The following PTPRD variants were observed in gnomAD, a reference collection of about 807,000 sequenced individuals.
The protein encoded by PTPRD is protein tyrosine phosphatase receptor type D.
PTPRD carries 34 observed loss-of-function variants against 214.5 expected under a neutral mutation model. The observed-to-expected ratio is 0.16, with a 90% CI of 0.12 to 0.21. The LOEUF (loss-of-function observed/expected upper bound fraction) is 0.21, where lower values mean the gene tolerates loss of function less well. Among genes scored for constraint, PTPRD ranks in the 10% least tolerant of loss-of-function variants. The pLI, the probability that PTPRD is intolerant of heterozygous loss-of-function variation, is 1.00. For synonymous variants in PTPRD, 1,128 were observed against 845.7 expected (o/e 1.33, Z -5.79); for missense variants, 2,545 against 2,398.7 (o/e 1.06, Z -1.27).
chr9:10,099,371 TAG>T (rs1300335439), intron 3 of PTPRD, among the ~76,000 whole-genome samples: 2 of 151,682 alleles, frequency 1.3e-5, no homozygotes, highest in African/African-American at 4.8e-5. Context: ...GTTAATATAA[TAG>T]AGTCCATTTT....
At chr9:10,108,783 T>C (rs2098661443) in intron 3 of PTPRD, among the ~76,000 whole-genome samples, 1 of 151,810 alleles carries the variant, frequency 6.6e-6, no homozygotes, top group Non-Finnish European at 1.5e-5. Flanking sequence ...TATTCATCCT[T>C]AAAAAAGAGG....
At chr9:9,347,058 T>G (rs955191994) in intron 9 of PTPRD, among the ~76,000 whole-genome samples, 1 of 152,006 alleles carries the variant, frequency 6.6e-6, no homozygotes, top group Non-Finnish European at 1.5e-5. Context: ...CCTTAACACT[T>G]TGGGAAGCCA....
At chr9:8,336,802 G>C (rs1214131810) in intron 43 of PTPRD, among the ~76,000 whole-genome samples, 1 of 152,146 alleles carries the variant, frequency 6.6e-6, no homozygotes, top group Non-Finnish European at 1.5e-5. Flanking sequence ...GATATGAACA[G>C]ACACTTCTCA....
At chr9:9,246,448 G>C (rs917819445) in intron 9 of PTPRD, among the ~76,000 whole-genome samples, 7 of 151,948 alleles carry the variant, frequency 4.6e-5, no homozygotes, top group African/African-American at 1.7e-4. Context: ...AAGTTCACCT[G>C]ATGCAAACTG....
At chr9:9,188,854 C>T (rs1233905845) in intron 9 of PTPRD, among the ~76,000 whole-genome samples, 2 of 149,632 alleles carry the variant, frequency 1.3e-5, no homozygotes, top group African/African-American at 4.9e-5. Flanking sequence ...TGTGTGCATG[C>T]ATGTCTTGGA....
At chr9:10,013,681 C>T (rs1291509247) in intron 4 of PTPRD, among the ~76,000 whole-genome samples, 1 of 151,882 alleles carries the variant, frequency 6.6e-6, no homozygotes, top group African/African-American at 2.4e-5. Flanking sequence ...TGAAATACTT[C>T]ACTGAGTTTT....
intron 37 of PTPRD, among the ~76,000 whole-genome samples, chr9:8,385,846 T>C (rs1043845467): frequency 1.3e-5 from 2 of 152,150 alleles, no homozygotes; most frequent in African/African-American, 2.4e-5. Context: ...TCTGAGCTCC[T>C]CTCTCCTCTT....
chr9:9,261,427 T>A (rs1156977413), intron 9 of PTPRD, among the ~76,000 whole-genome samples: 1 of 151,892 alleles, frequency 6.6e-6, no homozygotes, highest in Non-Finnish European at 1.5e-5. Context: ...TGGTAGGTAC[T>A]TTATTAATTC....
intron 3 of PTPRD, among the ~76,000 whole-genome samples, chr9:10,130,783 C>A (rs1184696857): frequency 6.6e-6 from 1 of 152,002 alleles, no homozygotes; most frequent in African/African-American, 2.4e-5. Context: ...CTATAGTGTG[C>A]AGATATGATC....
At chr9:10,506,120 T>C (rs2045877749) in intron 2 of PTPRD, among the ~76,000 whole-genome samples, 1 of 152,160 alleles carries the variant, frequency 6.6e-6, no homozygotes. Context: ...ACATATTTCA[T>C]AGAAGAATGT....
intron 11 of PTPRD, among the ~76,000 whole-genome samples, chr9:9,007,730 CTT>C (rs35507897): frequency 1.5e-5 from 2 of 135,980 alleles, no homozygotes; most frequent in Admixed American, 7.4e-5. Context: ...TACTTGGATC[CTT>C]TTTTTTTTTT....
intron 4 of PTPRD, among the ~76,000 whole-genome samples, chr9:10,029,551 G>T (rs2097011789): frequency 6.6e-6 from 1 of 152,194 alleles, no homozygotes; most frequent in African/African-American, 2.4e-5. Context: ...GGAGCTTTAA[G>T]ATTTGACTGC....
intron 2 of PTPRD, among the ~76,000 whole-genome samples, chr9:10,434,062 A>G (rs1289998959): frequency 6.6e-6 from 1 of 152,004 alleles, no homozygotes; most frequent in African/African-American, 2.4e-5. Context: ...TTTAAATGTC[A>G]TCATAGAGAA....
At chr9:8,599,803 G>C (rs1257085941) in intron 14 of PTPRD, among the ~76,000 whole-genome samples, 1 of 151,796 alleles carries the variant, frequency 6.6e-6, no homozygotes, top group Non-Finnish European at 1.5e-5. Context: ...TTTTAGTAGA[G>C]ACGGGGCTTC....
rs552517942 is a variant in PTPRD, at chr9:10,049,550, G to C, written c.-544-15760C>G. ...CATCCAGTGATGTAATGCTGCAAAAGATTTGAGGTCATTGTTAATAAAGTT... is the reference window on the plus strand; with the variant it reads ...CATCCAGTGATGTAATGCTGCAAAACATTTGAGGTCATTGTTAATAAAGTT... On this transcript the variant is annotated intron_variant, in intron 3 of 45. Transcript: ENST00000381196. 3.3e-5 allele frequency among the ~76,000 whole-genome samples: 5 copies of C among 152,182 alleles called. No individual in the cohort carries two copies. The East Asian group carries it at 7.7e-4, about 24-fold the overall frequency.
At chr9:9,607,005 A>AAAAAAAAAAAAAAAAT (rs1187365479) in intron 7 of PTPRD, among the ~76,000 whole-genome samples, 2 of 119,604 alleles carry the variant, frequency 1.7e-5, no homozygotes, top group African/African-American at 3.3e-5. Flanking sequence ...AAAAAAAAAA[A>AAAAAAAAAAAAAAAAT]GTGTTTCTGC....
rs376463056 is a variant in PTPRD, at chr9:9,300,476, C to T, written c.-203+96973G>A. ...TTGCTACATAAGCTTTCCCTGACAG[C>T]AATGGACTGAATGTTTGTGTTCCCC... On this transcript the variant is annotated intron_variant, in intron 9 of 45. Transcript: ENST00000381196. Among the ~76,000 whole-genome samples the T allele has an allele frequency of 9.2e-5, 14 of 151,882 alleles. No homozygotes were observed. In the East Asian group the frequency reaches 1.7e-3, roughly 19 times the overall value.
At chr9:9,439,893 A>T (rs57321633) in intron 8 of PTPRD, among the ~76,000 whole-genome samples, 10 of 151,914 alleles carry the variant, frequency 6.6e-5, no homozygotes, top group Admixed American at 6.6e-4. Flanking sequence ...TAATTTTTCC[A>T]GTGTCTTGCA....
chr9:10,610,471 C>T (rs925458730), intron 2 of PTPRD, among the ~76,000 whole-genome samples: 2 of 151,820 alleles, frequency 1.3e-5, no homozygotes, highest in Admixed American at 1.3e-4. Flanking sequence ...ATTTGCCCTA[C>T]TTAGGTACAA....
Sources: gnomAD v4.1 joint callset for allele counts (sites outside exome capture counted in the v4.1 genomes callset) on GRCh38, gnomAD v4.1.1 for gene constraint, MANE v1.5 for transcripts, NCBI Gene and HGNC (gene_info 2026-07-23, HGNC 2026-07-21) for gene names.